C12orf42: variants seen among roughly 807,000 people sequenced by gnomAD.
The protein encoded by C12orf42 is uncharacterized protein C12orf42.
In C12orf42, 25 loss-of-function variants were observed where a neutral mutation model predicts 21.6. The ratio of observed to expected loss-of-function variants is 1.16; its 90% confidence interval spans 0.84 to 1.62. The LOEUF is 1.62. Among genes scored for constraint, C12orf42 ranks in the 40% most tolerant of loss-of-function variants. The pLI, the probability that C12orf42 is intolerant of heterozygous loss-of-function variation, is 0.00. For missense variants in C12orf42, 483 were observed against 459.3 expected (o/e 1.05, Z -0.47); for synonymous variants, 174 against 175.0 (o/e 0.99, Z 0.05).
At chr12:103,454,746 T>C (rs1952176626) in intron 2 of C12orf42, among the ~76,000 whole-genome samples, 3 of 152,176 alleles carry the variant, frequency 2.0e-5, no homozygotes, top group African/African-American at 7.2e-5. Context: ...TGTTTCTTGG[T>C]TTATTTCATT....
chr12:103,362,278 C>A (rs992208404), intron 4 of C12orf42, among the ~76,000 whole-genome samples: 1 of 152,116 alleles, frequency 6.6e-6, no homozygotes, highest in Non-Finnish European at 1.5e-5. Context: ...CAGCTCAGCT[C>A]TCAGGAAGCC....
chr12:103,374,227 T>C (rs562519569), intron 3 of C12orf42, among the ~76,000 whole-genome samples: 13 of 152,216 alleles, frequency 8.5e-5, no homozygotes, highest in Non-Finnish European at 1.5e-4. Context: ...TATTCTACTT[T>C]CATGAATGAG....
chr12:103,518,081 A>C, the C12orf42 span, among the ~76,000 whole-genome samples: 1 of 152,214 alleles, frequency 6.6e-6, no homozygotes, highest in Non-Finnish European at 1.5e-5. Flanking sequence ...TTATCAGAAT[A>C]TAAGAGTTAC....
chr12:103,533,386 T>C, the C12orf42 span, among the ~76,000 whole-genome samples: 1 of 152,208 alleles, frequency 6.6e-6, no homozygotes, highest in South Asian at 2.1e-4. Context: ...GTGGTCTTTC[T>C]GGTTGCTCTC....
chr12:103,192,292 C>A, the C12orf42 span, among the ~76,000 whole-genome samples: 7 of 152,100 alleles, frequency 4.6e-5, no homozygotes, highest in Admixed American at 1.3e-4. Flanking sequence ...ATCATGAGGT[C>A]AAGAGATCAA....
chr12:103,288,922 C>A (rs2036631981), intron 4 of C12orf42, among the ~76,000 whole-genome samples: 1 of 152,144 alleles, frequency 6.6e-6, no homozygotes, highest in South Asian at 2.1e-4. Context: ...TCACTCATTG[C>A]AAGGAGCAGG....
chr12:103,539,929 T>C, the C12orf42 span, among the ~76,000 whole-genome samples: 1 of 152,178 alleles, frequency 6.6e-6, no homozygotes. Flanking sequence ...GGTGACATGC[T>C]AAACGTAATC....
the C12orf42 span, among the ~76,000 whole-genome samples, chr12:103,088,979 G>A: frequency 5.3e-5 from 8 of 151,918 alleles, no homozygotes; most frequent in Admixed American, 3.9e-4. Flanking sequence ...GGTGGCGCCT[G>A]TAGTCCCAGC....
chr12:103,195,344 T>C, the C12orf42 span, among the ~76,000 whole-genome samples: 8 of 152,136 alleles, frequency 5.3e-5, no homozygotes, highest in Non-Finnish European at 8.8e-5. Context: ...GATGGTTCTG[T>C]TTTAAGTTCT....
the C12orf42 span, among the ~76,000 whole-genome samples, chr12:103,070,515 T>TACACAC: frequency 1.1e-3 from 130 of 120,148 alleles, no homozygotes; most frequent in African/African-American, 3.3e-3. Flanking sequence ...TACATACACA[T>TACACAC]ACACACACAC....
chr12:103,460,831 A>T (rs1237010306), intron 2 of C12orf42, among the ~76,000 whole-genome samples: 2 of 152,098 alleles, frequency 1.3e-5, no homozygotes, highest in Non-Finnish European at 2.9e-5. Context: ...AGAGGGTGTA[A>T]ATTTGGATAC....
At chr12:103,479,788 A>T (rs924315382) in intron 1 of C12orf42, among the ~76,000 whole-genome samples, 46 of 152,172 alleles carry the variant, frequency 3.0e-4, no homozygotes, top group African/African-American at 1.0e-3. Flanking sequence ...GAGATAAAAA[A>T]CAACGCAGTC....
At chr12:103,446,947 A>T (rs1371101667) in intron 2 of C12orf42, among the ~76,000 whole-genome samples, 1 of 152,040 alleles carries the variant, frequency 6.6e-6, no homozygotes, top group Admixed American at 6.6e-5. Flanking sequence ...AGCATTAGAC[A>T]TGTCATCAAG....
At chr12:103,561,779 T>C in the C12orf42 span, among the ~76,000 whole-genome samples, 1 of 152,186 alleles carries the variant, frequency 6.6e-6, no homozygotes, top group Non-Finnish European at 1.5e-5. Flanking sequence ...GGTGTGTCTT[T>C]TCTTGTCTCA....
chr12:103,102,428 T>C, the C12orf42 span, among the ~76,000 whole-genome samples: 1 of 152,176 alleles, frequency 6.6e-6, no homozygotes, highest in Non-Finnish European at 1.5e-5. Context: ...TCTGTCTCAT[T>C]TGGGACTGAG....
chr12:103,350,281 G>T (rs539034193), intron 4 of C12orf42, among the ~76,000 whole-genome samples: 1 of 152,100 alleles, frequency 6.6e-6, no homozygotes, highest in African/African-American at 2.4e-5. Context: ...ATGAAATCTC[G>T]TGCCATCTTG....
intron 2 of C12orf42, among the ~76,000 whole-genome samples, chr12:103,434,547 C>T (rs7952759): frequency 0.61 from 91,997 of 151,838 alleles, 29,300 homozygotes; most frequent in Admixed American, 0.72. Context: ...GGTGCGCGTA[C>T]CATGCACGAG....
At chr12:103,554,429 A>T in the C12orf42 span, among the ~76,000 whole-genome samples, 1 of 152,182 alleles carries the variant, frequency 6.6e-6, no homozygotes, top group African/African-American at 2.4e-5. Context: ...ACCAATAATT[A>T]TGCAAACTAA....
At chr12:103,357,007 GA>G (rs1309134739) in intron 4 of C12orf42, among the ~76,000 whole-genome samples, 7 of 151,874 alleles carry the variant, frequency 4.6e-5, no homozygotes, top group African/African-American at 1.5e-4. Context: ...GGACATGGAT[GA>G]AATTGGAAAT....
Sources: gnomAD v4.1 joint callset for allele counts (sites outside exome capture counted in the v4.1 genomes callset) on GRCh38, gnomAD v4.1.1 for gene constraint, MANE v1.5 for transcripts, NCBI Gene and HGNC (gene_info 2026-07-23, HGNC 2026-07-21) for gene names.